QPCT: variants seen among roughly 807,000 people sequenced by gnomAD.
QPCT encodes the protein EC.
QPCT carries 44 observed loss-of-function variants against 43.4 expected under a neutral mutation model. The ratio of observed to expected loss-of-function variants is 1.01; its 90% confidence interval spans 0.80 to 1.30. The LOEUF is 1.30. Ranked by LOEUF, QPCT falls within the 50% of genes most tolerant of loss-of-function variation. The pLI, the probability that QPCT is intolerant of heterozygous loss-of-function variation, is 0.00. For synonymous variants in QPCT, 168 were observed against 168.4 expected, an observed-to-expected ratio of 1.00 and a Z score of 0.02; for missense variants, 526 against 436.5, an observed-to-expected ratio of 1.21 and a Z score of -1.83.
chr2:37,360,430 T>C (rs1672839269), intron 3 of QPCT, among the ~76,000 whole-genome samples: 1 of 152,216 alleles, frequency 6.6e-6, no homozygotes, highest in Admixed American at 6.5e-5. Context: ...AAAATACTTC[T>C]GGGACTCTCA....
rs1572725056 is a variant in QPCT at position 37,344,853 on chromosome 2, T to A, written c.120+2T>A. ...GCCTCAGCCTGGCCAGAGGAGAAGG[T>A]GAGGGGCTGTTTCTGCGTAGTTGTA... On this transcript the variant is annotated splice_donor_variant, in intron 1 of 6. Transcript: ENST00000338415. LOFTEE classifies it high-confidence loss of function. 6.3e-7 allele frequency: 1 copy of A among 1,581,202 alleles called. No homozygotes were observed.
intron 2 of QPCT, among the ~76,000 whole-genome samples, chr2:37,358,088 C>G (rs1483894633): frequency 1.6e-5 from 2 of 127,464 alleles, no homozygotes; most frequent in Non-Finnish European, 3.3e-5. Context: ...AGGCAATTTA[C>G]AATGATGTAT....
At chr2:37,368,794 T>TG (rs1673016034) in intron 4 of QPCT, 1 of 405,950 alleles carries the variant, frequency 2.5e-6, no homozygotes, top group South Asian at 1.9e-5. Flanking sequence ...GAAGCCACAG[T>TG]GATTCATATA....
At chr2:37,364,365 G>T (rs1672913877) in intron 3 of QPCT, among the ~76,000 whole-genome samples, 1 of 152,190 alleles carries the variant, frequency 6.6e-6, no homozygotes, top group African/African-American at 2.4e-5. Flanking sequence ...ATAACAAACA[G>T]ATAGGCAGCA....
chr2:37,346,791 C>T (rs973987641), intron 1 of QPCT, among the ~76,000 whole-genome samples: 6 of 152,056 alleles, frequency 3.9e-5, no homozygotes, highest in African/African-American at 1.2e-4. Flanking sequence ...GGTGATGAAT[C>T]GGTCCACACT....
intron 2 of QPCT, among the ~76,000 whole-genome samples, chr2:37,355,171 A>G (rs1319453915): frequency 6.6e-6 from 1 of 152,208 alleles, no homozygotes; most frequent in African/African-American, 2.4e-5. Context: ...GCTGATGGCT[A>G]TGTTAGATAT....
intron 3 of QPCT, chr2:37,360,111 CA>C (rs1672832272): frequency 2.2e-6 from 1 of 461,174 alleles, no homozygotes; most frequent in African/African-American, 2.0e-5. Context: ...AAATTAAATG[CA>C]ACATTTCTTT....
intron 5 of QPCT, among the ~76,000 whole-genome samples, chr2:37,370,719 G>A (rs576738326): frequency 3.3e-5 from 5 of 152,296 alleles, no homozygotes; most frequent in African/African-American, 9.6e-5. Context: ...GTCAGGTCAG[G>A]CCAGCCCAAG....
At chr2:37,362,026 G>T (rs1672865595) in intron 3 of QPCT, among the ~76,000 whole-genome samples, 1 of 152,196 alleles carries the variant, frequency 6.6e-6, no homozygotes, top group African/African-American at 2.4e-5. Context: ...ATGGGACTCA[G>T]GATGAATGTC....
intron 1 of QPCT, among the ~76,000 whole-genome samples, chr2:37,346,857 A>G (rs895994070): frequency 6.6e-6 from 1 of 151,912 alleles, no homozygotes; most frequent in Non-Finnish European, 1.5e-5. Flanking sequence ...CATATGATGT[A>G]TGTCTTTGGT....
chr2:37,352,762 A>G (rs750941905), intron 1 of QPCT, 27 bp from the exon 2 acceptor site: 4 of 1,609,330 alleles, frequency 2.5e-6, no homozygotes, highest in East Asian at 4.5e-5. Flanking sequence ...AAGGATAGCT[A>G]GTTAAATGAT....
At chr2:37,356,428 C>T (rs147395553) in intron 2 of QPCT, among the ~76,000 whole-genome samples, 2 of 152,286 alleles carry the variant, frequency 1.3e-5, no homozygotes, top group African/African-American at 4.8e-5. Flanking sequence ...CCTTTCGGCA[C>T]TCCTGGAGGG....
At chr2:37,349,602 G>C (rs1381056705) in intron 1 of QPCT, among the ~76,000 whole-genome samples, 1 of 152,196 alleles carries the variant, frequency 6.6e-6, no homozygotes, top group East Asian at 1.9e-4. Flanking sequence ...AGCAGACAAG[G>C]AGCCACTGGT....
At chr2:37,349,496 A>C (rs1478261568) in intron 1 of QPCT, among the ~76,000 whole-genome samples, 1 of 152,184 alleles carries the variant, frequency 6.6e-6, no homozygotes, top group Non-Finnish European at 1.5e-5. Flanking sequence ...GAAACCAGCC[A>C]TTTAAACACA....
chr2:37,347,352 C>T (rs1672527218), intron 1 of QPCT, among the ~76,000 whole-genome samples: 1 of 149,430 alleles, frequency 6.7e-6, no homozygotes. Flanking sequence ...AACTATTGCA[C>T]TAGTGAACTG....
intron 3 of QPCT, among the ~76,000 whole-genome samples, chr2:37,363,659 T>TAAAAAAAAAAAAAAAAAAAAAAAGA (rs58100358): frequency 1.3e-5 from 1 of 79,446 alleles, no homozygotes; most frequent in Non-Finnish European, 3.7e-5. Flanking sequence ...TTTTAAAATG[T>TAAAAAAAAAAAAAAAAAAAAAAAGA]AAAAAAAAAA....
intron 3 of QPCT, among the ~76,000 whole-genome samples, chr2:37,362,859 AAT>A (rs1162512055): frequency 6.6e-6 from 1 of 152,214 alleles, no homozygotes; most frequent in Non-Finnish European, 1.5e-5. Context: ...CTGTCTAAGG[AAT>A]ATGTGGATGT....
At chr2:37,352,029 CAAA>C (rs756518422) in intron 1 of QPCT, among the ~76,000 whole-genome samples, 1 of 104,118 alleles carries the variant, frequency 9.6e-6, no homozygotes, top group Non-Finnish European at 2.1e-5. Flanking sequence ...ACCCCAACTT[CAAA>C]AAAAAAAAAA....
chr2:37,346,190 C>T (rs1305296585), intron 1 of QPCT, among the ~76,000 whole-genome samples: 1 of 152,332 alleles, frequency 6.6e-6, no homozygotes, highest in South Asian at 2.1e-4. Flanking sequence ...AATCACCACT[C>T]AGGGGTCACA....
Sources: allele counts gnomAD v4.1 joint callset (sites outside exome capture counted in the v4.1 genomes callset), GRCh38; gene constraint gnomAD v4.1.1; transcripts MANE v1.5; gene names NCBI Gene and HGNC (gene_info 2026-07-23, HGNC 2026-07-21).